RAB40B: variants seen among roughly 807,000 people sequenced by gnomAD.
RAB40B encodes ras-related protein Rab-40B.
RAB40B carries 21 observed loss-of-function variants against 24.0 expected under a neutral mutation model. That is an observed-to-expected ratio of 0.88 (90% CI 0.62 to 1.26). The LOEUF (loss-of-function observed/expected upper bound fraction) is 1.26. Among genes scored for constraint, RAB40B ranks in the 50% most tolerant of loss-of-function variants. The pLI is 0.00. For missense variants in RAB40B, 348 were observed against 390.5 expected, an observed-to-expected ratio of 0.89 and a Z score of 0.92; for synonymous variants, 167 against 169.8, an observed-to-expected ratio of 0.98 and a Z score of 0.13.
chr17:82,685,240 G>A (rs1459597387), intron 1 of RAB40B, among the ~76,000 whole-genome samples: 3 of 137,688 alleles, frequency 2.2e-5, no homozygotes, highest in African/African-American at 5.4e-5. Context: ...GAGGACGGAG[G>A]AGGGAGGGGG....
chr17:82,674,317 C>CGACAGAGCAAGACTCCTCTTAAAAAAAA lies in RAB40B; in HGVS notation c.143-9762_143-9761insTTTTTTTTAAGAGGAGTCTTGCTCTGTC, dbSNP rs1555657477. Among the ~76,000 whole-genome samples, 87 of 149,530 alleles carry CGACAGAGCAAGACTCCTCTTAAAAAAAA rather than the reference C, an allele frequency of 5.8e-4. 1 individual carries two copies. The highest frequency in any genetic ancestry group is 9.6e-4 in the Non-Finnish European group (65 of 67,404). On this transcript the variant is annotated intron_variant, in intron 1 of 5. Transcript: ENST00000571995. ...TCGCGCCATTGCACTCCAGCCTGGGCAAAAAAGAGTGAAACTCCGTCTCAA... is the reference window on the plus strand; with the variant it reads ...TCGCGCCATTGCACTCCAGCCTGGGCGACAGAGCAAGACTCCTCTTAAAAAAAAAAAAAAGAGTGAAACTCCGTCTCAA...
intron 1 of RAB40B, among the ~76,000 whole-genome samples, chr17:82,677,368 C>T (rs2046404876): frequency 6.6e-6 from 1 of 152,216 alleles, no homozygotes; most frequent in Non-Finnish European, 1.5e-5. Flanking sequence ...CAATGAGATT[C>T]CCCTCAGAAA....
At chr17:82,689,329 A>T (rs578115897) in intron 1 of RAB40B, among the ~76,000 whole-genome samples, 10 of 152,212 alleles carry the variant, frequency 6.6e-5, no homozygotes, top group Non-Finnish European at 1.3e-4. Context: ...AGGCTGGTGG[A>T]CAGGCTGGTG....
intron 1 of RAB40B, among the ~76,000 whole-genome samples, chr17:82,670,657 C>T (rs1173436869): frequency 2.0e-5 from 3 of 151,524 alleles, no homozygotes; most frequent in Non-Finnish European, 4.4e-5. Flanking sequence ...GTCTCAGCCT[C>T]CTGAGTAGCT....
chr17:82,664,796 C>T (rs2046233637), intron 1 of RAB40B: 1 of 481,460 alleles, frequency 2.1e-6, no homozygotes, highest in Non-Finnish European at 3.8e-6. Flanking sequence ...GCTCGCATCA[C>T]CCTGGCCCAG....
At position 82,658,028 on chromosome 17, in the gene RAB40B, G is replaced by C; in HGVS notation, c.672C>G (p.Ser224=). The C allele has an allele frequency of 6.2e-7, 1 of 1,614,252 alleles. No homozygotes were observed. The change falls in exon 6 of 6, where the codon TCC becomes TCG. Residue 224 remains serine (S), a synonymous_variant. Coordinates refer to ENST00000571995, the MANE Select transcript of RAB40B (RefSeq NM_006822.3). Reference sequence around the variant, plus strand: ...CATTCAGGCCGTTGGCCATCGAGAAGGACTTGAGGTGGCTTCTTAAGGCAA... The same window carrying C: ...CATTCAGGCCGTTGGCCATCGAGAACGACTTGAGGTGGCTTCTTAAGGCAA... ...LPIALRSHLK[S]FSMANGLNAR...
rs199700140 is a variant in RAB40B, at chr17:82,657,977, G to A, written c.723C>T (p.Tyr241=). Residue 241 remains tyrosine, a synonymous_variant, in exon 6 of 6, where the codon TAC becomes TAT. Coordinates refer to ENST00000571995, the MANE Select transcript of RAB40B (RefSeq NM_006822.3). The part of the protein sequence containing the change: ...LNARMMHGGS[Y]SLTTSSTHKR... The stretch of plus-strand genomic sequence containing the variant: ...TGTGGGTGGAGCTGGTGGTGAGGGA[G>A]TAGGAACCGCCGTGCATCATCCTGG... 77 of 1,614,068 alleles carry A rather than the reference G, an allele frequency of 4.8e-5. No individual in the cohort carries two copies. The highest frequency in any genetic ancestry group is 5.8e-5 in the Non-Finnish European group (68 of 1,180,044).
intron 1 of RAB40B, among the ~76,000 whole-genome samples, chr17:82,685,538 C>A (rs565010560): frequency 1.3e-5 from 2 of 152,178 alleles, no homozygotes; most frequent in African/African-American, 4.8e-5. Context: ...GCCCCAGGCA[C>A]CCGGCCTGCC....
intron 1 of RAB40B, among the ~76,000 whole-genome samples, chr17:82,671,270 G>T (rs554434588): frequency 9.9e-6 from 1 of 101,510 alleles, no homozygotes; most frequent in Non-Finnish European, 2.2e-5. Context: ...AACACACACA[G>T]TCACACATCC....
intron 1 of RAB40B, among the ~76,000 whole-genome samples, chr17:82,678,913 C>T (rs1402690385): frequency 1.7e-5 from 2 of 120,020 alleles, no homozygotes; most frequent in African/African-American, 6.2e-5. Flanking sequence ...GACGGAGTCT[C>T]GCTCTGTCGC....
chr17:82,689,835 G>T (rs2046537466), intron 1 of RAB40B, among the ~76,000 whole-genome samples: 1 of 152,048 alleles, frequency 6.6e-6, no homozygotes, highest in African/African-American at 2.4e-5. Flanking sequence ...GGACGTGATG[G>T]TGGGCACCTG....
Position 82,657,745 on chromosome 17 carries a change from A to C in RAB40B, c.*118T>G, listed in dbSNP as rs778367753. On this transcript the variant is annotated 3_prime_UTR_variant, in exon 6 of 6. Transcript: ENST00000571995. ...TTCCATCACACGGAAGGCGTCGCACACATTCGCAAGCAGCATTCGCCGAGA... is the reference window on the plus strand; with the variant it reads ...TTCCATCACACGGAAGGCGTCGCACCCATTCGCAAGCAGCATTCGCCGAGA... 4.9e-6 allele frequency: 6 copies of C among 1,233,422 alleles called. No homozygotes were observed. The highest frequency in any genetic ancestry group is 1.7e-5 in the Admixed American group (1 of 59,516). The allele number at this position is 1,233,422 out of a possible 1,614,324, so 76.4% of individuals were successfully genotyped here.
Position 82,656,204 on chromosome 17 carries a change from C to T in RAB40B, c.*1659G>A, listed in dbSNP as rs1171423562. Reference sequence around the variant, plus strand: ...CCTCTGATCCGGCTGCCTCGGCCTCCTGAAGTGCTGGGATTACAGGTGTGA... The same window carrying T: ...CCTCTGATCCGGCTGCCTCGGCCTCTTGAAGTGCTGGGATTACAGGTGTGA... On this transcript the variant is annotated 3_prime_UTR_variant, in exon 6 of 6. Transcript: ENST00000571995. 2 of 152,186 alleles carry T rather than the reference C, an allele frequency of 1.3e-5. No homozygotes were observed. The highest frequency in any genetic ancestry group is 2.9e-5 in the Non-Finnish European group (2 of 68,058). 9.4% of individuals were successfully genotyped at this position (152,186 alleles called of 1,614,324 possible).
Position 82,692,097 on chromosome 17 carries a change from G to A in RAB40B, c.142+6358C>T, listed in dbSNP as rs1268088151. On this transcript the variant is annotated intron_variant, in intron 1 of 5. Transcript: ENST00000571995. The surrounding 1 kb of genome is among the most constrained non-coding windows in gnomAD (Gnocchi z 4.0). ...GGTGACAGGCAGAGCAGTGGGGCCC[G>A]CACGGTCCGTGGGCTGAGGTGACAG... Among the ~76,000 whole-genome samples, 7 of 9,282 alleles carry A rather than the reference G, an allele frequency of 7.5e-4. No homozygotes were observed. The highest frequency in any genetic ancestry group is 5.5e-4 in the African/African-American group (1 of 1,814). The allele number at this position is 9,282 out of a possible 152,430, so 6.1% of individuals were successfully genotyped here.
intron 1 of RAB40B, among the ~76,000 whole-genome samples, chr17:82,672,104 CT>C (rs11323271): frequency 9.9e-5 from 2 of 20,182 alleles, no homozygotes; most frequent in African/African-American, 1.8e-4. Context: ...CACCCCACCC[CT>C]GTAACTCTAA....
chr17:82,698,420 G>A lies in RAB40B; in HGVS notation c.142+35C>T, dbSNP rs1388808579. 10 of 969,996 alleles carry A rather than the reference G, an allele frequency of 1.0e-5. No individual in the cohort carries two copies. In the East Asian group the frequency reaches 5.3e-4, roughly 52 times the overall value. The allele number at this position is 969,996 out of a possible 1,614,324, so 60.1% of individuals were successfully genotyped here. ...GCCCCGCGCCCCTCCCCGGCCCCGC[G>A]CCCGCACCCCGGCACGCCCTCCGCC... On this transcript the variant is annotated intron_variant, in intron 1 of 5. Coordinates refer to ENST00000571995, the MANE Select transcript of RAB40B (RefSeq NM_006822.3).
In RAB40B at chr17:82,692,637, G is replaced by T; in HGVS notation, c.142+5818C>A. On this transcript the variant is annotated intron_variant, in intron 1 of 5. Transcript: ENST00000571995. The surrounding 1 kb of genome is among the most constrained non-coding windows in gnomAD (Gnocchi z 4.0). ...CTGAAAAAAGTGTGTCTCGATCCCT[G>T]CCTCAGGCCTCACCCCAGCTGGAGG... Among the ~76,000 whole-genome samples, 1 of 152,196 alleles carries T rather than the reference G, an allele frequency of 6.6e-6. No individual in the cohort carries two copies.
rs2046269010 is a variant in RAB40B, at chr17:82,667,216, CT to C, written c.143-2661del. ...CCCTTGGACTTGGCCACAAGCCCCCCTGCATCCCAGGAGGCAGTGTGCCGAG... is the reference window on the plus strand; with the variant it reads ...CCCTTGGACTTGGCCACAAGCCCCCCGCATCCCAGGAGGCAGTGTGCCGAG... On this transcript the variant is annotated intron_variant, in intron 1 of 5. Transcript: ENST00000571995. This position sits in a 1 kb window ranked among gnomAD's most constrained non-coding sequence, Gnocchi z 4.3. Among the ~76,000 whole-genome samples, 1 of 152,260 alleles carries C rather than the reference CT, an allele frequency of 6.6e-6. No homozygotes were observed. The highest frequency in any genetic ancestry group is 1.5e-5 in the Non-Finnish European group (1 of 68,040).
intron 1 of RAB40B, among the ~76,000 whole-genome samples, chr17:82,676,759 T>C (rs1045803576): frequency 1.3e-5 from 2 of 149,588 alleles, no homozygotes; most frequent in African/African-American, 4.9e-5. Flanking sequence ...TCTCCAGCAG[T>C]TGGGATTACA....
Sources: allele counts gnomAD v4.1 joint callset (sites outside exome capture counted in the v4.1 genomes callset), GRCh38; gene constraint gnomAD v4.1.1; non-coding constraint Gnocchi (gnomAD v3.1); transcripts MANE v1.5; gene names NCBI Gene and HGNC (gene_info 2026-07-23, HGNC 2026-07-21).